TXNL4A: variants seen among roughly 807,000 people sequenced by gnomAD.
TXNL4A encodes the protein thioredoxin like 4A, also known as thioredoxin-like protein 4A.
TXNL4A carries 17 observed loss-of-function variants against 14.6 expected under a neutral mutation model. That is an observed-to-expected ratio of 1.16 (90% confidence interval 0.80 to 1.74). TXNL4A has a LOEUF of 1.74. Ranked by LOEUF, TXNL4A falls within the 40% of genes most tolerant of loss-of-function variation. TXNL4A has a pLI of 0.00. For synonymous variants in TXNL4A, 83 were observed against 70.6 expected (o/e 1.18, Z -0.88); for missense variants, 74 against 195.2 (o/e 0.38, Z 3.70).
chr18:79,991,570 A>AT (rs1459649178), upstream of TXNL4A, among the ~76,000 whole-genome samples: 3 of 152,140 alleles, frequency 2.0e-5, no homozygotes, highest in Non-Finnish European at 4.4e-5. Flanking sequence ...GGTTGTTTGC[A>AT]TTTTTTTACT....
intron 1 of TXNL4A, among the ~76,000 whole-genome samples, chr18:80,006,565 T>C (rs537885998): frequency 6.6e-6 from 1 of 152,168 alleles, no homozygotes; most frequent in Admixed American, 6.5e-5. Context: ...AGAAATTTTA[T>C]TTACTTATAA....
chr18:80,005,077 GAC>G (rs1237337512), intron 1 of TXNL4A, among the ~76,000 whole-genome samples: 1 of 152,234 alleles, frequency 6.6e-6, no homozygotes, highest in Non-Finnish European at 1.5e-5. Context: ...GTGACCTAGA[GAC>G]ACAGACGTGC....
At chr18:80,020,722 G>C (rs182612000) in intron 1 of TXNL4A, among the ~76,000 whole-genome samples, 1 of 151,282 alleles carries the variant, frequency 6.6e-6, no homozygotes, top group Non-Finnish European at 1.5e-5. Flanking sequence ...AGCTGATTGA[G>C]TTTATTTTAT....
At chr18:80,024,280 T>C (rs1262770210) in intron 1 of TXNL4A, among the ~76,000 whole-genome samples, 1 of 152,102 alleles carries the variant, frequency 6.6e-6, no homozygotes, top group Non-Finnish European at 1.5e-5. Flanking sequence ...CAGAGAGCAG[T>C]CTCCAGCTTG....
chr18:80,031,594 T>C (rs1229233317), intron 1 of TXNL4A, among the ~76,000 whole-genome samples: 2 of 152,216 alleles, frequency 1.3e-5, no homozygotes, highest in African/African-American at 2.4e-5. Flanking sequence ...ATATGGGATA[T>C]AGAAGCCTTA....
chr18:79,984,722 G>C (rs2051517595), intron 1 of TXNL4A, among the ~76,000 whole-genome samples: 1 of 152,150 alleles, frequency 6.6e-6, no homozygotes, highest in African/African-American at 2.4e-5. Flanking sequence ...CTCATACTCT[G>C]TCTTAGCCTC....
intron 1 of TXNL4A, among the ~76,000 whole-genome samples, chr18:80,022,946 A>C (rs1477289409): frequency 1.3e-5 from 2 of 152,164 alleles, no homozygotes; most frequent in South Asian, 2.1e-4. Context: ...CTCAGCCTAA[A>C]GGCTCCCAAG....
intron 2 of TXNL4A, 139 bp downstream of exon 2, chr18:79,977,459 G>T: frequency 1.5e-6 from 1 of 675,348 alleles, no homozygotes; most frequent in Admixed American, 2.9e-5. Flanking sequence ...CACACTGATT[G>T]CCTGGTGATA....
chr18:80,018,583 T>C (rs150842723), intron 1 of TXNL4A, among the ~76,000 whole-genome samples: 36,644 of 151,828 alleles, frequency 0.24, 5,729 homozygotes, highest in Non-Finnish European at 0.35. Flanking sequence ...ATTGATAGAC[T>C]GCTAGCAAGA....
intron 2 of TXNL4A, 100 bp downstream of exon 2, chr18:79,977,498 C>T: frequency 9.5e-7 from 1 of 1,047,910 alleles, no homozygotes; most frequent in South Asian, 1.4e-5. Context: ...GACTGTACAA[C>T]CAACTTCCTT....
intron 1 of TXNL4A, among the ~76,000 whole-genome samples, chr18:80,013,372 C>T (rs945887684): frequency 4.6e-5 from 7 of 151,914 alleles, no homozygotes; most frequent in East Asian, 1.9e-4. Flanking sequence ...CCCCCCGCCT[C>T]GGCCTCCCAA....
At chr18:80,010,123 G>C (rs1013399974) in intron 1 of TXNL4A, among the ~76,000 whole-genome samples, 3 of 152,098 alleles carry the variant, frequency 2.0e-5, no homozygotes, top group African/African-American at 7.2e-5. Flanking sequence ...GATAATAACT[G>C]GACTCTTGTT....
chr18:79,984,647 G>A (rs139087566), intron 1 of TXNL4A, among the ~76,000 whole-genome samples: 328 of 152,222 alleles, frequency 2.2e-3, no homozygotes, highest in African/African-American at 7.4e-3. Flanking sequence ...ATGGGGTCTC[G>A]CTCTATCACC....
intron 2 of TXNL4A, among the ~76,000 whole-genome samples, chr18:79,975,093 T>C (rs747964660): frequency 8.5e-5 from 13 of 152,190 alleles, no homozygotes; most frequent in Non-Finnish European, 1.9e-4. Context: ...CTACAATGAC[T>C]GGGGGCTGCC....
In TXNL4A at chr18:80,005,273, C is replaced by T. The variant is rs115449055; in HGVS notation, c.-60-27572G>A. 8.7e-3 allele frequency among the ~76,000 whole-genome samples: 1,319 copies of T among 152,340 alleles called. 18 individuals carry two copies. The highest frequency in any genetic ancestry group is 0.034 in the South Asian group (162 of 4,826). The stretch of plus-strand genomic sequence containing the variant: ...TCCACCCACCAGATGCCAGTGGTGG[C>T]CCCTCCCTGTGATGACAACCCAGGC... On this transcript the variant is annotated intron_variant, in intron 1 of 2. Coordinates refer to the TXNL4A transcript ENST00000585474.
rs915196158 is a variant in TXNL4A, at chr18:79,973,473, C to T, written c.*212G>A. 1.6e-5 allele frequency: 8 copies of T among 496,866 alleles called. No homozygotes were observed. The highest frequency in any genetic ancestry group is 2.7e-5 in the Non-Finnish European group (8 of 294,620). The allele number at this position is 496,866 out of a possible 1,614,324, so 30.8% of individuals were successfully genotyped here. On this transcript the variant is annotated 3_prime_UTR_variant, in exon 3 of 3. Transcript: ENST00000269601. ...AACTTTGACTAGGAAAATCAGTAAT[C>T]TATTCATTAAGTTTCCTGAGAACAA...
rs560868321 is a variant in TXNL4A, at chr18:80,009,730, G to C, written c.-61+24121C>G. On this transcript the variant is annotated intron_variant, in intron 1 of 2. Coordinates refer to the TXNL4A transcript ENST00000585474. Reference sequence around the variant, plus strand: ...GAGATGAGTGTCCCACCTGACCCTCGATTTGGGATTTTTGGGGTTTTGTGT... The same window carrying C: ...GAGATGAGTGTCCCACCTGACCCTCCATTTGGGATTTTTGGGGTTTTGTGT... Among the ~76,000 whole-genome samples, 8 of 152,312 alleles carry C rather than the reference G, an allele frequency of 5.3e-5. No individual in the cohort carries two copies. The South Asian group carries it at 1.7e-3, about 32-fold the overall frequency.
At chr18:80,009,849 A>C (rs1319151681) in intron 1 of TXNL4A, among the ~76,000 whole-genome samples, 2 of 152,134 alleles carry the variant, frequency 1.3e-5, no homozygotes, top group Non-Finnish European at 2.9e-5. Flanking sequence ...GTGTTTACTG[A>C]AATTGTACGC....
intron 1 of TXNL4A, chr18:79,986,758 G>A: frequency 5.1e-6 from 5 of 985,448 alleles, no homozygotes; most frequent in Non-Finnish European, 6.0e-6. Context: ...CACCTGCAAT[G>A]TAGAACAGTG....
Sources: gnomAD v4.1 joint callset for allele counts (sites outside exome capture counted in the v4.1 genomes callset) on GRCh38, gnomAD v4.1.1 for gene constraint, MANE v1.5 for transcripts, NCBI Gene and HGNC (gene_info 2026-07-23, HGNC 2026-07-21) for gene names.